The following PDE3B variants were observed in gnomAD, a reference collection of about 807,000 sequenced individuals.
The protein encoded by PDE3B is phosphodiesterase 3B.
A neutral mutation model predicts 116.8 loss-of-function variants in PDE3B; 66 were observed. The ratio of observed to expected loss-of-function variants is 0.56; its 90% confidence interval spans 0.46 to 0.69. The LOEUF is 0.69. Ranked by LOEUF, PDE3B falls within the 30% of genes least tolerant of loss-of-function variation. The pLI is 0.00. For synonymous variants in PDE3B, 595 were observed against 533.6 expected (o/e 1.12, Z -1.59); for missense variants, 1,384 against 1,368.1 (o/e 1.01, Z -0.18).
At chr11:14,843,485 A>G (rs955722019) in intron 11 of PDE3B, among the ~76,000 whole-genome samples, 2 of 148,268 alleles carry the variant, frequency 1.3e-5, no homozygotes, top group African/African-American at 2.6e-5. Flanking sequence ...CTGTTATATC[A>G]TATATCCTGG....
rs1412843428 is a variant in PDE3B, at chr11:14,674,577, C to T, written c.978+29524C>T. On this transcript the variant is annotated intron_variant, in intron 1 of 15. Transcript: ENST00000282096. Reference sequence around the variant, plus strand: ...CCATTTATAAGTGATTTGCTGTCTCCTCCTTCTCCTACCACCCCCAACTAA... The same window carrying T: ...CCATTTATAAGTGATTTGCTGTCTCTTCCTTCTCCTACCACCCCCAACTAA... 1.2e-5 allele frequency: 4 copies of T among 339,040 alleles called. No homozygotes were observed. In the East Asian group the frequency reaches 2.2e-4, roughly 18 times the overall value. The allele number at this position is 339,040 out of a possible 1,614,324, so 21.0% of individuals were successfully genotyped here. A position where few individuals can be genotyped will look rare whatever the true frequency, so the allele number is the denominator to read the frequency against.
At chr11:14,880,406 G>T in the PDE3B span, 1 of 1,613,398 alleles carries the variant, frequency 6.2e-7, no homozygotes, top group Non-Finnish European at 8.5e-7. Context: ...AACAGCTGTT[G>T]ATGTTTTCCA....
chr11:14,722,719 T>G (rs1177476839), intron 1 of PDE3B, among the ~76,000 whole-genome samples: 3 of 152,216 alleles, frequency 2.0e-5, no homozygotes, highest in Non-Finnish European at 4.4e-5. Flanking sequence ...ACAGTTTGAT[T>G]ATAACCTCAT....
chr11:14,808,164 A>C (rs1236359715), intron 5 of PDE3B, among the ~76,000 whole-genome samples: 3 of 152,214 alleles, frequency 2.0e-5, no homozygotes, highest in Non-Finnish European at 4.4e-5. Flanking sequence ...TTAAAAATAT[A>C]ATCAAAAACT....
intron 1 of PDE3B, among the ~76,000 whole-genome samples, chr11:14,763,883 T>C (rs980534437): frequency 5.3e-5 from 8 of 152,124 alleles, no homozygotes; most frequent in African/African-American, 1.9e-4. Flanking sequence ...AGATTTTAGC[T>C]CTGCCAATTA....
rs149791817 is a variant in PDE3B at position 14,745,503 on chromosome 11, A to T, written c.979-26434A>T. Among the ~76,000 whole-genome samples, 406 of 152,022 alleles carry T rather than the reference A, an allele frequency of 2.7e-3. 3 individuals carry two copies. The highest frequency in any genetic ancestry group is 9.2e-3 in the African/African-American group (382 of 41,484). Reference sequence around the variant, plus strand: ...ATTATTTCTTTGTATTTAGCTACATAAAAAAAACTATCAAGAAATATATAA... The same window carrying T: ...ATTATTTCTTTGTATTTAGCTACATTAAAAAAACTATCAAGAAATATATAA... On this transcript the variant is annotated intron_variant, in intron 1 of 15. Transcript: ENST00000282096.
In PDE3B at chr11:14,644,109, C is replaced by T. The variant is rs1484326490; in HGVS notation, c.34C>T (p.Arg12Trp). ...GGACGAGCGAGACGCCAAAGCCATG[C>T]GGTCCCTGCAGCCGCCGGATGGGGC... ...RRDERDAKAM[R>W]SLQPPDGAGS... The change falls in exon 1 of 16, where the codon CGG becomes TGG. Residue 12 changes from arginine (R) to tryptophan (W), a missense_variant. This residue lies in a region of PDE3B where 956 missense variants were observed against 806.8 expected (regional missense o/e 1.18). Transcript: ENST00000282096. 3.8e-6 allele frequency: 6 copies of T among 1,571,880 alleles called. No individual in the cohort carries two copies. In the African/African-American group the frequency reaches 6.9e-5, roughly 18 times the overall value.
At chr11:14,801,540 C>A (rs1436912078) in intron 4 of PDE3B, among the ~76,000 whole-genome samples, 1 of 152,218 alleles carries the variant, frequency 6.6e-6, no homozygotes, top group Admixed American at 6.5e-5. Context: ...CAGATGCCAG[C>A]CAGAGCTCTT....
chr11:14,797,105 A>G (rs1292826577), intron 4 of PDE3B, among the ~76,000 whole-genome samples: 1 of 152,218 alleles, frequency 6.6e-6, no homozygotes, highest in East Asian at 1.9e-4. Flanking sequence ...TCCCAACACC[A>G]TTTATTAAAT....
chr11:14,747,768 A>G (rs1856953530), intron 1 of PDE3B, among the ~76,000 whole-genome samples: 1 of 152,178 alleles, frequency 6.6e-6, no homozygotes, highest in Non-Finnish European at 1.5e-5. Context: ...TTTAACTTCC[A>G]TATTTTGAAT....
rs782483967 is a variant in PDE3B at position 14,867,722 on chromosome 11, A to G, written c.3103A>G (p.Thr1035Ala). The change falls in exon 15 of 16, where the codon ACA becomes GCA. Residue 1035 changes from threonine to alanine, a missense_variant. By Grantham distance (58) the Thr-to-Ala change is moderately conservative (BLOSUM62 0). Transcript: ENST00000282096. ...TGATGAAGACGGTGAAGAATTAGAT[A>G]CAGAAGATGAAGAAATGGAAAACAA... ...GDDEDGEELD[T>A]EDEEMENNLN... 6 of 1,611,514 alleles carry G rather than the reference A, an allele frequency of 3.7e-6. No individual in the cohort carries two copies. In the South Asian group the frequency reaches 6.6e-5, roughly 18 times the overall value.
chr11:14,732,444 A>G (rs1189891198), intron 1 of PDE3B, among the ~76,000 whole-genome samples: 1 of 152,204 alleles, frequency 6.6e-6, no homozygotes, highest in Non-Finnish European at 1.5e-5. Context: ...AGACTAGTTC[A>G]ATATGAAGAA....
At chr11:14,673,807 G>A (rs1854447729) in intron 1 of PDE3B, 1 of 879,532 alleles carries the variant, frequency 1.1e-6, no homozygotes. Context: ...GGTGCCTTGG[G>A]GTGATCTGCA....
chr11:14,718,946 A>G (rs1432099077), intron 1 of PDE3B, among the ~76,000 whole-genome samples: 6 of 80,006 alleles, frequency 7.5e-5, no homozygotes, highest in Non-Finnish European at 1.5e-4. Flanking sequence ...GGAAATAGAG[A>G]CACAAAAAAC....
chr11:14,686,508 G>A (rs987585935), intron 1 of PDE3B, among the ~76,000 whole-genome samples: 2 of 152,094 alleles, frequency 1.3e-5, no homozygotes, highest in African/African-American at 4.8e-5. Flanking sequence ...TTCCTTTGGG[G>A]ATAAGTTATT....
intron 1 of PDE3B, among the ~76,000 whole-genome samples, chr11:14,670,327 A>G (rs997516221): frequency 9.9e-5 from 15 of 152,176 alleles, no homozygotes; most frequent in Non-Finnish European, 1.9e-4. Flanking sequence ...TAATTCACAT[A>G]TTTAGCCCAG....
intron 2 of PDE3B, among the ~76,000 whole-genome samples, chr11:14,779,506 C>T (rs1857904160): frequency 6.6e-6 from 1 of 152,100 alleles, no homozygotes; most frequent in Non-Finnish European, 1.5e-5. Flanking sequence ...AGAGTGGGGT[C>T]CAATATTCAG....
At chr11:14,843,756 C>T in intron 11 of PDE3B, 71 bp from the exon 12 acceptor site, 1 of 1,139,808 alleles carries the variant, frequency 8.8e-7, no homozygotes, top group East Asian at 2.3e-5. Flanking sequence ...CTATGAGAAT[C>T]CCCTCCATAG....
chr11:14,868,933 A>G (rs1555008545), intron 15 of PDE3B, among the ~76,000 whole-genome samples: 1 of 152,122 alleles, frequency 6.6e-6, no homozygotes, highest in Non-Finnish European at 1.5e-5. Flanking sequence ...AGGCAGGAGA[A>G]TGGAGTGAAC....
Sources: allele counts gnomAD v4.1 joint callset (sites outside exome capture counted in the v4.1 genomes callset), GRCh38; gene constraint gnomAD v4.1.1; regional missense constraint gnomAD v4.1.1; transcripts MANE v1.5; gene names NCBI Gene and HGNC (gene_info 2026-07-23, HGNC 2026-07-21).